Variants in FTO observed in about 807,000 individuals in gnomAD.
FTO encodes the protein FTO alpha-ketoglutarate dependent dioxygenase.
In FTO, 47 loss-of-function variants were observed where a neutral mutation model predicts 63.9. The ratio of observed to expected loss-of-function variants is 0.74; its 90% confidence interval spans 0.58 to 0.94. The LOEUF (loss-of-function observed/expected upper bound fraction) is 0.94. Ranked by LOEUF, FTO falls within the 40% of genes least tolerant of loss-of-function variation. The pLI is 0.00. For missense variants in FTO, 562 were observed against 618.1 expected, an observed-to-expected ratio of 0.91 and a Z score of 0.96; for synonymous variants, 207 against 224.4, an observed-to-expected ratio of 0.92 and a Z score of 0.69.
intron 1 of FTO, among the ~76,000 whole-genome samples, chr16:53,808,505 T>G (rs1658500696): frequency 6.6e-6 from 1 of 152,210 alleles, no homozygotes; most frequent in African/African-American, 2.4e-5. Flanking sequence ...TATACTTCTA[T>G]TCCCTTTCTC....
intron 4 of FTO, among the ~76,000 whole-genome samples, chr16:53,849,296 G>A (rs1337743916): frequency 1.3e-5 from 2 of 152,192 alleles, no homozygotes; most frequent in African/African-American, 4.8e-5. Context: ...TATGGGAATA[G>A]GCTTTGCAAG....
chr16:54,052,541 ACTGATTAC>A (rs1398285172), intron 8 of FTO: 2 of 151,988 alleles, frequency 1.3e-5, no homozygotes. Context: ...AACACCAATC[ACTGATTAC>A]CTGGCTGAAG....
At chr16:54,068,914 C>A (rs2085795121) in intron 8 of FTO, among the ~76,000 whole-genome samples, 1 of 152,164 alleles carries the variant, frequency 6.6e-6, no homozygotes, top group Non-Finnish European at 1.5e-5. Flanking sequence ...CGGGGCCAGG[C>A]AGAGAGCAGC....
intron 1 of FTO, among the ~76,000 whole-genome samples, chr16:53,732,927 C>G (rs894485047): frequency 6.6e-6 from 1 of 152,226 alleles, no homozygotes; most frequent in Non-Finnish European, 1.5e-5. Context: ...AAAAGGGAAT[C>G]TGGTGTCATG....
intron 6 of FTO, among the ~76,000 whole-genome samples, chr16:53,885,812 G>A (rs1233505477): frequency 1.3e-5 from 2 of 152,066 alleles, no homozygotes; most frequent in African/African-American, 2.4e-5. Context: ...TTAGTGGCGC[G>A]ATCATGGCTC....
intron 8 of FTO, among the ~76,000 whole-genome samples, chr16:53,989,141 C>A (rs2083742217): frequency 6.6e-6 from 1 of 152,014 alleles, no homozygotes; most frequent in Non-Finnish European, 1.5e-5. Context: ...CCAGAGCAGG[C>A]AGCAGTCAAG....
intron 8 of FTO, among the ~76,000 whole-genome samples, chr16:54,009,155 G>A (rs1216622513): frequency 1.3e-5 from 2 of 152,112 alleles, no homozygotes; most frequent in Non-Finnish European, 2.9e-5. Flanking sequence ...TACATGGTGG[G>A]TGTTAAGCAA....
rs146367519 is a variant in FTO at position 53,939,711 on chromosome 16, A to G, written c.1364+5602A>G. Among the ~76,000 whole-genome samples the G allele has an allele frequency of 7.6e-3, 1,155 of 152,352 alleles. 16 individuals carry two copies. Among genetic ancestry groups the G allele is most frequent in the Non-Finnish European group, 9.9e-3 (672 of 68,038 alleles). On this transcript the variant is annotated intron_variant, in intron 8 of 8. Transcript: ENST00000471389. ...TAACATTTCTTATAAATGAAATCAT[A>G]CAATACGTGACCTTTTATGTCTGGC...
chr16:53,720,615 GATATATATATATCTTTTATATATATAAA>G lies in FTO; in HGVS notation c.45+16413_45+16440del, dbSNP rs1259654805. Among the ~76,000 whole-genome samples, 68 of 143,508 alleles carry G rather than the reference GATATATATATATCTTTTATATATATAAA, an allele frequency of 4.7e-4. 1 individual carries two copies. The highest frequency in any genetic ancestry group is 2.4e-3 in the Admixed American group (34 of 14,326). The allele number at this position is 143,508 out of a possible 152,430, so 94.1% of individuals were successfully genotyped here. ...TATTAGGAACACAGAAACTTAAAAA[GATATATATATATCTTTTATATATATAAA>G]ATATATATATATCTTTTATATATAT... On this transcript the variant is annotated intron_variant, in intron 1 of 8. Transcript: ENST00000471389.
Position 54,115,459 on chromosome 16 carries a change from T to G in FTO, c.*3544T>G, listed in dbSNP as rs2144645645. 1 of 152,340 alleles carries G rather than the reference T, an allele frequency of 6.6e-6. No homozygotes were observed. The highest frequency in any genetic ancestry group is 1.9e-4 in the East Asian group (1 of 5,154). The allele number at this position is 152,340 out of a possible 1,614,324, so 9.4% of individuals were successfully genotyped here. Reference sequence around the variant, plus strand: ...AAATCAATAACAAGAGTGTTCCAGATGGTTGTAAGTGCCAGGAAGGGAACC... The same window carrying G: ...AAATCAATAACAAGAGTGTTCCAGAGGGTTGTAAGTGCCAGGAAGGGAACC... On this transcript the variant is annotated 3_prime_UTR_variant, in exon 9 of 9. Transcript: ENST00000471389.
chr16:53,985,820 G>A (rs906301020), intron 8 of FTO, among the ~76,000 whole-genome samples: 1 of 152,180 alleles, frequency 6.6e-6, no homozygotes, highest in Non-Finnish European at 1.5e-5. Context: ...TTTAAAGTCA[G>A]ATATGTTGGG....
intron 2 of FTO, among the ~76,000 whole-genome samples, chr16:53,812,051 G>T (rs1302441253): frequency 6.6e-6 from 1 of 151,920 alleles, no homozygotes; most frequent in Admixed American, 6.6e-5. Flanking sequence ...GAGCTCAAGC[G>T]ATCCACACAC....
chr16:54,049,888 C>T lies in FTO; in HGVS notation c.1365-61874C>T, dbSNP rs371301438. 3.9e-5 allele frequency among the ~76,000 whole-genome samples: 6 copies of T among 152,314 alleles called. 2 individuals are homozygous for T. Among genetic ancestry groups the T allele is most frequent in the Admixed American group, 3.9e-4 (6 of 15,304 alleles). On this transcript the variant is annotated intron_variant, in intron 8 of 8. Coordinates refer to ENST00000471389, the MANE Select transcript of FTO (RefSeq NM_001080432.3). Reference sequence around the variant, plus strand: ...AGTTTGGCTTTGCATTCTGCTGGCTCTCAGCGTCAAAGCATTACCTGGCAA... The same window carrying T: ...AGTTTGGCTTTGCATTCTGCTGGCTTTCAGCGTCAAAGCATTACCTGGCAA...
intron 1 of FTO, among the ~76,000 whole-genome samples, chr16:53,767,584 AT>A (rs35418808): frequency 3.3e-5 from 5 of 150,488 alleles, no homozygotes; most frequent in Admixed American, 6.6e-5. Flanking sequence ...GGCTTTATGA[AT>A]TTTTTTTTTA....
chr16:53,803,125 GACAA>G (rs2078269315), intron 1 of FTO, among the ~76,000 whole-genome samples: 1 of 152,178 alleles, frequency 6.6e-6, no homozygotes. Context: ...TTGATTGGAT[GACAA>G]ACATTGTAAA....
intron 8 of FTO, among the ~76,000 whole-genome samples, chr16:53,967,335 C>T (rs919438912): frequency 7.9e-5 from 12 of 151,954 alleles, no homozygotes; most frequent in African/African-American, 1.9e-4. Context: ...ATTTTGGCAA[C>T]GCTGGGTAGT....
intron 8 of FTO, among the ~76,000 whole-genome samples, chr16:54,011,097 AC>A (rs2084325008): frequency 6.6e-6 from 1 of 152,034 alleles, no homozygotes; most frequent in African/African-American, 2.4e-5. Flanking sequence ...ACCCCAGATA[AC>A]CCCCATATTT....
Position 54,051,562 on chromosome 16 carries a change from G to A in FTO, c.1365-60200G>A, listed in dbSNP as rs191896936. ...TCTACATGGCATCCCAATACAGTTG[G>A]TGACAATGCACTGTATTTTCCTCCC... On this transcript the variant is annotated intron_variant, in intron 8 of 8. Coordinates refer to ENST00000471389, the MANE Select transcript of FTO (RefSeq NM_001080432.3). Among the ~76,000 whole-genome samples the A allele has an allele frequency of 1.4e-4, 21 of 152,356 alleles. No homozygotes were observed. In the East Asian group the frequency reaches 4.1e-3, roughly 29 times the overall value.
At chr16:53,796,790 G>T (rs988729859) in intron 1 of FTO, among the ~76,000 whole-genome samples, 4 of 152,146 alleles carry the variant, frequency 2.6e-5, no homozygotes, top group Admixed American at 2.6e-4. Context: ...CCTTTTTAAA[G>T]AGTTTTATTG....
Sources: allele counts gnomAD v4.1 joint callset (sites outside exome capture counted in the v4.1 genomes callset), GRCh38; gene constraint gnomAD v4.1.1; transcripts MANE v1.5; gene names NCBI Gene and HGNC (gene_info 2026-07-23, HGNC 2026-07-21).